The following KCNH7 variants were observed in gnomAD, a reference collection of about 807,000 sequenced individuals.
The protein encoded by KCNH7 is voltage-gated inwardly rectifying potassium channel KCNH7.
Under a neutral mutation model 120.8 loss-of-function variants are expected in KCNH7, and 49 were observed. The observed-to-expected ratio is 0.41, with a 90% CI of 0.32 to 0.51. KCNH7 has a LOEUF of 0.51. Among genes scored for constraint, KCNH7 ranks in the 20% least tolerant of loss-of-function variants. The pLI is 0.38. For missense variants in KCNH7, 1,097 were observed against 1,446.6 expected, an observed-to-expected ratio of 0.76 and a Z score of 3.92; for synonymous variants, 547 against 516.1, an observed-to-expected ratio of 1.06 and a Z score of -0.81.
chr2:162,425,939 C>T (rs905414086), intron 8 of KCNH7, among the ~76,000 whole-genome samples: 2 of 151,976 alleles, frequency 1.3e-5, no homozygotes, highest in Admixed American at 6.6e-5. Context: ...TATGGTCAGG[C>T]GCGGTGGCTC....
chr2:162,815,665 A>G (rs2105578853), intron 2 of KCNH7, among the ~76,000 whole-genome samples: 1 of 152,346 alleles, frequency 6.6e-6, no homozygotes, highest in East Asian at 1.9e-4. Context: ...TAAAATGTTA[A>G]TTGTGCATCT....
At chr2:162,443,943 A>G (rs1688501835) in intron 7 of KCNH7, among the ~76,000 whole-genome samples, 1 of 152,114 alleles carries the variant, frequency 6.6e-6, no homozygotes, top group Non-Finnish European at 1.5e-5. Context: ...CGACATTTTC[A>G]CTAGTGTTTC....
chr2:162,692,612 T>C (rs1396088137), intron 2 of KCNH7, among the ~76,000 whole-genome samples: 1 of 152,052 alleles, frequency 6.6e-6, no homozygotes, highest in Non-Finnish European at 1.5e-5. Flanking sequence ...GTGTAGATAA[T>C]TGGATTTTTT....
intron 2 of KCNH7, among the ~76,000 whole-genome samples, chr2:162,754,144 T>A (rs992598127): frequency 6.6e-6 from 1 of 152,106 alleles, no homozygotes; most frequent in Non-Finnish European, 1.5e-5. Context: ...GAGTGCATAA[T>A]GCCAAACTAA....
chr2:162,599,740 A>T (rs1694492312), intron 2 of KCNH7, among the ~76,000 whole-genome samples: 1 of 152,038 alleles, frequency 6.6e-6, no homozygotes, highest in South Asian at 2.1e-4. Context: ...TGGTTTATTA[A>T]CAAAATTATA....
chr2:162,763,001 T>C (rs1238880834), intron 2 of KCNH7, among the ~76,000 whole-genome samples: 1 of 152,052 alleles, frequency 6.6e-6, no homozygotes, highest in Non-Finnish European at 1.5e-5. Flanking sequence ...CTTGAAAGTA[T>C]TTTATAATAC....
intron 2 of KCNH7, among the ~76,000 whole-genome samples, chr2:162,778,038 A>G (rs1486911217): frequency 6.6e-6 from 1 of 152,136 alleles, no homozygotes; most frequent in African/African-American, 2.4e-5. Flanking sequence ...TAGCAATTCA[A>G]TAAAATTTAA....
intron 9 of KCNH7, among the ~76,000 whole-genome samples, chr2:162,404,159 T>C (rs961580122): frequency 6.6e-6 from 1 of 151,950 alleles, no homozygotes; most frequent in Non-Finnish European, 1.5e-5. Context: ...TCAGGACGCA[T>C]GCTGATTTGG....
chr2:162,495,055 G>A (rs188538574), intron 6 of KCNH7, among the ~76,000 whole-genome samples: 1 of 152,200 alleles, frequency 6.6e-6, no homozygotes, highest in East Asian at 1.9e-4. Flanking sequence ...TTTCTGCCTG[G>A]CTTCTCCAGA....
chr2:162,660,183 C>G (rs1684910768), intron 2 of KCNH7, among the ~76,000 whole-genome samples: 1 of 151,888 alleles, frequency 6.6e-6, no homozygotes, highest in African/African-American at 2.4e-5. Flanking sequence ...TTCATTTGCT[C>G]TTCTTTTCTG....
At position 162,722,813 on chromosome 2, in the gene KCNH7, C is replaced by CTTTTTTTTTTTTTTTTTTTTTTTTTTT. The variant is rs894023630; in HGVS notation, c.307+113723_307+113724insAAAAAAAAAAAAAAAAAAAAAAAAAAA. Among the ~76,000 whole-genome samples the CTTTTTTTTTTTTTTTTTTTTTTTTTTT allele has an allele frequency of 4.0e-4, 34 of 85,104 alleles. 2 individuals are homozygous for CTTTTTTTTTTTTTTTTTTTTTTTTTTT. Among genetic ancestry groups the CTTTTTTTTTTTTTTTTTTTTTTTTTTT allele is most frequent in the East Asian group, 8.8e-4 (2 of 2,268 alleles). The allele number at this position is 85,104 out of a possible 152,430, so 55.8% of individuals were successfully genotyped here. ...AATCCTTTTCATTCATTCTTTTTTT[C>CTTTTTTTTTTTTTTTTTTTTTTTTTTT]TTTTTTTTTTTTTTTTTTGCTTCTC... On this transcript the variant is annotated intron_variant, in intron 2 of 15. Transcript: ENST00000332142.
At chr2:162,578,992 G>T (rs1486443089) in intron 2 of KCNH7, among the ~76,000 whole-genome samples, 1 of 151,556 alleles carries the variant, frequency 6.6e-6, no homozygotes, top group Non-Finnish European at 1.5e-5. Flanking sequence ...CTACTGAAAC[G>T]CCTACACTTG....
In KCNH7 at chr2:162,400,590, T is replaced by C. The variant is rs80018637; in HGVS notation, c.2155-149A>G. The stretch of plus-strand genomic sequence containing the variant: ...CTTCTACCTCGCCTACCTTAATGAA[T>C]ACTTGATTTGCTAAACATGTCAAAA... On this transcript the variant is annotated intron_variant, in intron 9 of 15. Transcript: ENST00000332142. The C allele has an allele frequency of 3.2e-3, 2,332 of 736,170 alleles. 8 individuals are homozygous for C. Among genetic ancestry groups the C allele is most frequent in the Non-Finnish European group, 4.3e-3 (1,946 of 450,238 alleles). The allele number at this position is 736,170 out of a possible 1,614,324, so 45.6% of individuals were successfully genotyped here.
At chr2:162,760,886 C>G (rs1254121979) in intron 2 of KCNH7, among the ~76,000 whole-genome samples, 1 of 152,068 alleles carries the variant, frequency 6.6e-6, no homozygotes, top group Non-Finnish European at 1.5e-5. Flanking sequence ...TTAGAAAGAT[C>G]CGCACAAGGT....
At chr2:162,443,228 A>G (rs1325671449) in intron 7 of KCNH7, among the ~76,000 whole-genome samples, 1 of 152,170 alleles carries the variant, frequency 6.6e-6, no homozygotes, top group African/African-American at 2.4e-5. Flanking sequence ...ATTTAATTTA[A>G]TGGATCTCAT....
intron 2 of KCNH7, among the ~76,000 whole-genome samples, chr2:162,575,162 C>T (rs528413020): frequency 6.6e-6 from 1 of 152,140 alleles, no homozygotes; most frequent in African/African-American, 2.4e-5. Flanking sequence ...GGAATTTGAC[C>T]ATGCATGGGA....
chr2:162,505,193 A>T (rs562761614), intron 5 of KCNH7, among the ~76,000 whole-genome samples: 53 of 152,064 alleles, frequency 3.5e-4, no homozygotes, highest in Admixed American at 1.9e-3. Context: ...GAGCTTCTGA[A>T]AGAGTTAAAC....
intron 2 of KCNH7, among the ~76,000 whole-genome samples, chr2:162,724,446 G>T (rs988685119): frequency 6.6e-6 from 1 of 151,992 alleles, no homozygotes. Flanking sequence ...GCCGAGGCGG[G>T]CGGATCACGA....
intron 2 of KCNH7, among the ~76,000 whole-genome samples, chr2:162,716,874 T>G (rs1237126649): frequency 6.6e-6 from 1 of 152,184 alleles, no homozygotes; most frequent in Non-Finnish European, 1.5e-5. Context: ...ACAGCCATGA[T>G]GTATATTATT....
Sources: gnomAD v4.1 joint callset for allele counts (sites outside exome capture counted in the v4.1 genomes callset) on GRCh38, gnomAD v4.1.1 for gene constraint, MANE v1.5 for transcripts, NCBI Gene and HGNC (gene_info 2026-07-23, HGNC 2026-07-21) for gene names.